The following CACNB4 variants were observed in gnomAD, a reference collection of about 807,000 sequenced individuals.
The protein encoded by CACNB4 is calcium voltage-gated channel auxiliary subunit beta 4.
Under a neutral mutation model 71.2 loss-of-function variants are expected in CACNB4, and 32 were observed. The observed-to-expected ratio is 0.45, with a 90% CI of 0.34 to 0.60. CACNB4 has a LOEUF of 0.60. Ranked by LOEUF, CACNB4 falls within the 20% of genes least tolerant of loss-of-function variation. The pLI is 0.01. For missense variants in CACNB4, 464 were observed against 647.9 expected, an observed-to-expected ratio of 0.72 and a Z score of 3.08; for synonymous variants, 231 against 236.9, an observed-to-expected ratio of 0.97 and a Z score of 0.23.
chr2:151,985,975 CAA>C (rs966002698), intron 2 of CACNB4, among the ~76,000 whole-genome samples: 4 of 152,166 alleles, frequency 2.6e-5, no homozygotes, highest in African/African-American at 2.4e-5. Context: ...CTAAAAATTC[CAA>C]AGTCGTTCTA....
At chr2:152,061,267 G>A (rs929685888) in intron 2 of CACNB4, among the ~76,000 whole-genome samples, 8 of 152,148 alleles carry the variant, frequency 5.3e-5, no homozygotes, top group East Asian at 1.9e-4. Flanking sequence ...AGCTATGATC[G>A]TGCCACTGAA....
At chr2:151,876,594 C>A in intron 4 of CACNB4, 38 bp from the exon 5 acceptor site, 1 of 1,254,204 alleles carries the variant, frequency 8.0e-7, no homozygotes, top group South Asian at 1.4e-5. Flanking sequence ...AATAGTAATT[C>A]ACTTATCTTC....
chr2:151,876,964 G>A (rs2099846545), intron 4 of CACNB4, among the ~76,000 whole-genome samples: 1 of 145,918 alleles, frequency 6.9e-6, no homozygotes, highest in African/African-American at 2.5e-5. Flanking sequence ...TATTGTGTAT[G>A]TATATATGTG....
intron 2 of CACNB4, among the ~76,000 whole-genome samples, chr2:151,889,424 C>A (rs2151473197): frequency 6.7e-6 from 1 of 148,984 alleles, no homozygotes; most frequent in East Asian, 2.0e-4. Flanking sequence ...CGAGATTGTG[C>A]CACTGCACTC....
chr2:151,960,579 G>C (rs759982163), intron 2 of CACNB4, among the ~76,000 whole-genome samples: 3 of 152,184 alleles, frequency 2.0e-5, no homozygotes, highest in Non-Finnish European at 4.4e-5. Flanking sequence ...CATCACCAAT[G>C]AGAGCACCTT....
chr2:152,096,467 G>A (rs1361985066), intron 2 of CACNB4, among the ~76,000 whole-genome samples: 1 of 152,172 alleles, frequency 6.6e-6, no homozygotes, highest in African/African-American at 2.4e-5. Context: ...CTGGGCGACA[G>A]AGCAAGACTC....
intron 2 of CACNB4, among the ~76,000 whole-genome samples, chr2:152,072,900 C>T (rs1304162767): frequency 2.0e-5 from 3 of 151,860 alleles, no homozygotes; most frequent in South Asian, 2.1e-4. Flanking sequence ...CCGCCCGCCT[C>T]GGCCTCCCAA....
chr2:151,892,856 G>T (rs183065274), intron 2 of CACNB4, among the ~76,000 whole-genome samples: 185 of 152,312 alleles, frequency 1.2e-3, no homozygotes, highest in African/African-American at 4.3e-3. Flanking sequence ...CACCCAAAGG[G>T]TGTACACTCT....
Position 151,987,848 on chromosome 2 carries a change from C to T in CACNB4, c.148-104478G>A, listed in dbSNP as rs58055628. Reference sequence around the variant, plus strand: ...GTCTTCCCTTTGTATATTTCCATTTCCAATGACAATATCTCCGTCACCATG... The same window carrying T: ...GTCTTCCCTTTGTATATTTCCATTTTCAATGACAATATCTCCGTCACCATG... On this transcript the variant is annotated intron_variant, in intron 2 of 13. Coordinates refer to ENST00000539935, the MANE Select transcript of CACNB4 (RefSeq NM_000726.5). Among the ~76,000 whole-genome samples the T allele has an allele frequency of 9.4e-3, 1,425 of 152,274 alleles. 23 individuals are homozygous for T. The highest frequency in any genetic ancestry group is 0.032 in the African/African-American group (1,334 of 41,554).
At chr2:152,096,768 GAA>G (rs1225838754) in intron 2 of CACNB4, among the ~76,000 whole-genome samples, 1 of 152,150 alleles carries the variant, frequency 6.6e-6, no homozygotes, top group East Asian at 1.9e-4. Flanking sequence ...CATAAATTGA[GAA>G]AAGAGTAAGA....
At chr2:151,888,615 T>C (rs1382653950) in intron 2 of CACNB4, among the ~76,000 whole-genome samples, 2 of 152,160 alleles carry the variant, frequency 1.3e-5, no homozygotes, top group Non-Finnish European at 2.9e-5. Flanking sequence ...ACAGAATCTT[T>C]CCACTGTTGG....
At chr2:151,951,689 T>A (rs967397588) in intron 2 of CACNB4, among the ~76,000 whole-genome samples, 1 of 152,210 alleles carries the variant, frequency 6.6e-6, no homozygotes. Context: ...GAAAGGCATC[T>A]TGAAAGATGC....
intron 2 of CACNB4, among the ~76,000 whole-genome samples, chr2:152,017,767 A>T (rs1398285726): frequency 2.0e-5 from 3 of 152,126 alleles, no homozygotes; most frequent in Non-Finnish European, 4.4e-5. Context: ...TAAAGCTCTC[A>T]TATACTGTAT....
chr2:151,866,491 A>G (rs2099843144), intron 9 of CACNB4: 1 of 152,216 alleles, frequency 6.6e-6, no homozygotes. Flanking sequence ...TTTCAATTAA[A>G]GACTATTTGT....
intron 2 of CACNB4, among the ~76,000 whole-genome samples, chr2:152,008,279 T>C (rs1682847964): frequency 1.3e-5 from 2 of 152,036 alleles, no homozygotes; most frequent in Non-Finnish European, 2.9e-5. Context: ...ACTCCCTTGC[T>C]TTGTTCAGTC....
At chr2:152,067,124 C>T (rs1305765145) in intron 2 of CACNB4, among the ~76,000 whole-genome samples, 1 of 151,144 alleles carries the variant, frequency 6.6e-6, no homozygotes, top group Non-Finnish European at 1.5e-5. Flanking sequence ...TGCACATGTA[C>T]CCTAAAACTT....
At chr2:151,964,245 A>G (rs1408215246) in intron 2 of CACNB4, among the ~76,000 whole-genome samples, 1 of 152,194 alleles carries the variant, frequency 6.6e-6, no homozygotes, top group Non-Finnish European at 1.5e-5. Flanking sequence ...AAAAATCCAC[A>G]GTACATTTTC....
At chr2:152,074,773 C>T (rs1686917046) in intron 2 of CACNB4, among the ~76,000 whole-genome samples, 1 of 151,232 alleles carries the variant, frequency 6.6e-6, no homozygotes, top group East Asian at 2.0e-4. Context: ...TTCACCTCCA[C>T]CCAACCCTTA....
intron 2 of CACNB4, among the ~76,000 whole-genome samples, chr2:151,950,481 A>G (rs559391764): frequency 6.6e-6 from 1 of 152,368 alleles, no homozygotes; most frequent in East Asian, 1.9e-4. Flanking sequence ...TATATCCCCA[A>G]AATAACTGAA....
Sources: gnomAD v4.1 joint callset for allele counts (sites outside exome capture counted in the v4.1 genomes callset) on GRCh38, gnomAD v4.1.1 for gene constraint, MANE v1.5 for transcripts, NCBI Gene and HGNC (gene_info 2026-07-23, HGNC 2026-07-21) for gene names.